Variants in SH3KBP1 observed in about 807,000 individuals in gnomAD.
SH3KBP1 encodes the protein SH3 domain-containing kinase-binding protein 1.
A neutral mutation model predicts 50.1 loss-of-function variants in SH3KBP1; 8 were observed. The observed-to-expected ratio is 0.16, with a 90% confidence interval of 0.09 to 0.29. The LOEUF (loss-of-function observed/expected upper bound fraction) is 0.29, where lower values mean the gene tolerates loss of function less well. SH3KBP1 is among the 10% of genes least tolerant of loss of function. The pLI, the probability that SH3KBP1 is intolerant of heterozygous loss-of-function variation, is 1.00. For synonymous variants in SH3KBP1, 227 were observed against 218.6 expected (o/e 1.04, Z -0.34); for missense variants, 377 against 535.2 (o/e 0.70, Z 2.92).
At chrX:19,753,227 C>T (rs1382994355) in intron 2 of SH3KBP1, among the ~76,000 whole-genome samples, 2 of 111,895 alleles carry the variant, frequency 1.8e-5, no homozygotes, top group Non-Finnish European at 3.8e-5. Context: ...AAACAGACAT[C>T]ATTCATCAGC....
At position 19,867,176 on chromosome X, in the gene SH3KBP1, G is replaced by A. The variant is rs191498234; in HGVS notation, c.4+20131C>T. On this transcript the variant is annotated intron_variant, in intron 1 of 17. Coordinates refer to ENST00000397821, the MANE Select transcript of SH3KBP1 (RefSeq NM_031892.3). ...AGAAGGCTGTGGTCTTGGCCTGGGC[G>A]CCAGGGAAACTAGTGCTCACAGAGC... Among the ~76,000 whole-genome samples, 941 of 111,524 alleles carry A rather than the reference G, an allele frequency of 8.4e-3. 13 individuals carry two copies. Among genetic ancestry groups the A allele is most frequent in the African/African-American group, 0.029 (888 of 30,658 alleles).
intron 13 of SH3KBP1, among the ~76,000 whole-genome samples, chrX:19,566,127 C>T (rs1411928913): frequency 9.1e-6 from 1 of 109,491 alleles, no homozygotes; most frequent in Admixed American, 9.7e-5. Flanking sequence ...GGTGACAGAG[C>T]AAGACTATCT....
At position 19,620,521 on chromosome X, in the gene SH3KBP1, A is replaced by G. The variant is rs753526491; in HGVS notation, c.897+11343T>C. On this transcript the variant is annotated intron_variant, in intron 8 of 17. Coordinates refer to ENST00000397821, the MANE Select transcript of SH3KBP1 (RefSeq NM_031892.3). ...TAGCTTCTAGGCCTGTGCAGCGAGT[A>G]AAAAATACAATTCCAAAGTCAAATC... 4.4e-5 allele frequency among the ~76,000 whole-genome samples: 5 copies of G among 112,452 alleles called. No individual in the cohort carries two copies. The East Asian group carries it at 1.4e-3, about 31-fold the overall frequency.
At chrX:19,663,095 A>C (rs1449186184) in intron 6 of SH3KBP1, among the ~76,000 whole-genome samples, 1 of 111,281 alleles carries the variant, frequency 9.0e-6, no homozygotes, top group African/African-American at 3.3e-5. Flanking sequence ...ATCTGAATAA[A>C]TGGTAAGTCT....
At chrX:19,712,126 A>C (rs942912110) in intron 3 of SH3KBP1, among the ~76,000 whole-genome samples, 1 of 112,401 alleles carries the variant, frequency 8.9e-6, no homozygotes, top group Non-Finnish European at 1.9e-5. Flanking sequence ...GAGCTTTCAC[A>C]AAACTACTGA....
intron 12 of SH3KBP1, among the ~76,000 whole-genome samples, chrX:19,579,756 T>TC (rs1569305575): frequency 1.8e-5 from 2 of 111,593 alleles, no homozygotes; most frequent in Admixed American, 1.9e-4. Context: ...ACAAGGTACT[T>TC]CCCCCCATGC....
chrX:19,695,557 G>A, intron 5 of SH3KBP1, 55 bp downstream of exon 5: 1 of 1,179,997 alleles, frequency 8.5e-7, no homozygotes, highest in East Asian at 3.0e-5. Flanking sequence ...GGAGGCTGGA[G>A]CACAGCCTGC....
intron 2 of SH3KBP1, among the ~76,000 whole-genome samples, chrX:19,760,833 G>A (rs1186638175): frequency 1.8e-5 from 2 of 110,665 alleles, no homozygotes; most frequent in African/African-American, 3.3e-5. Flanking sequence ...CAACAGACAT[G>A]GGCCAGGGGC....
At chrX:19,544,821 G>A (rs903746901) in intron 15 of SH3KBP1, among the ~76,000 whole-genome samples, 6 of 111,776 alleles carry the variant, frequency 5.4e-5, no homozygotes, top group African/African-American at 1.6e-4. Flanking sequence ...TGACAACTCC[G>A]GGGAAGAGAA....
intron 2 of SH3KBP1, among the ~76,000 whole-genome samples, chrX:19,793,404 A>G (rs1034697166): frequency 3.7e-5 from 4 of 109,220 alleles, no homozygotes; most frequent in Admixed American, 2.0e-4. Context: ...CCTGGGTTGA[A>G]TCCTGGATCT....
chrX:19,876,510 C>G (rs1351395471), intron 1 of SH3KBP1, among the ~76,000 whole-genome samples: 1 of 111,798 alleles, frequency 8.9e-6, no homozygotes, highest in Non-Finnish European at 1.9e-5. Context: ...ATCCCTCCAT[C>G]AAAACTAGAT....
intron 3 of SH3KBP1, among the ~76,000 whole-genome samples, chrX:19,716,614 T>G (rs767996741): frequency 9.0e-6 from 1 of 111,286 alleles, no homozygotes; most frequent in East Asian, 2.8e-4. Context: ...GCAGATAACA[T>G]CAAAAGTCAC....
intron 8 of SH3KBP1, among the ~76,000 whole-genome samples, chrX:19,618,941 G>A (rs1208900088): frequency 9.5e-6 from 1 of 105,065 alleles, no homozygotes; most frequent in Non-Finnish European, 1.9e-5. Flanking sequence ...ACTCCAGCCT[G>A]GGTGACAAGA....
At chrX:19,882,943 T>G (rs1020759563) in intron 1 of SH3KBP1, among the ~76,000 whole-genome samples, 1 of 112,046 alleles carries the variant, frequency 8.9e-6, no homozygotes, top group Admixed American at 9.4e-5. Flanking sequence ...AAGTGTGTTT[T>G]GAAGTAGGAG....
At chrX:19,622,691 G>A (rs755438416) in intron 8 of SH3KBP1, among the ~76,000 whole-genome samples, 13 of 112,256 alleles carry the variant, frequency 1.2e-4, no homozygotes, top group Non-Finnish European at 1.7e-4. Flanking sequence ...ACAGGGTGAC[G>A]ACTATGTGCA....
At chrX:19,782,476 T>C (rs1046272535) in intron 2 of SH3KBP1, among the ~76,000 whole-genome samples, 5 of 111,532 alleles carry the variant, frequency 4.5e-5, no homozygotes, top group African/African-American at 1.6e-4. Context: ...CACCAGGAGC[T>C]CCACTCAGAT....
At chrX:19,634,027 C>A (rs2061637523) in intron 7 of SH3KBP1, among the ~76,000 whole-genome samples, 1 of 74,630 alleles carries the variant, frequency 1.3e-5, no homozygotes, top group Non-Finnish European at 2.5e-5. Flanking sequence ...AGATTTTGTT[C>A]CCTGGTGTGT....
At position 19,683,941 on chromosome X, in the gene SH3KBP1, G is replaced by A; in HGVS notation, c.608C>T (p.Ala203Val). ...CTTAACTTTCTTGGGCTGGATTGCT[G>A]CAGTTGCCACTGTCCCGTTGGCACC... ...SEGANGTVATAAIQPKKVKGV... is the reference protein window; with the variant it reads ...SEGANGTVATVAIQPKKVKGV... The change falls in exon 6 of 18, where the codon GCA becomes GTA. Residue 203 changes from alanine (A) to valine (V), a missense_variant. Transcript: ENST00000397821. 8.3e-7 allele frequency: 1 copy of A among 1,210,789 alleles called. No homozygotes were observed. The highest frequency in any genetic ancestry group is 1.1e-6 in the Non-Finnish European group (1 of 894,634).
rs145524730 is a variant in SH3KBP1, at chrX:19,733,608, T to C, written c.286+12710A>G. Among the ~76,000 whole-genome samples the C allele has an allele frequency of 5.5e-3, 605 of 110,891 alleles. 2 individuals are homozygous for C. The highest frequency in any genetic ancestry group is 0.018 in the African/African-American group (558 of 30,544). ...GCCAGTATAAAAAAAGGAGATAAGC[T>C]AGGTGATAATTTATTCAGAGAAATC... On this transcript the variant is annotated intron_variant, in intron 3 of 17. Transcript: ENST00000397821.
Sources: allele counts gnomAD v4.1 joint callset (sites outside exome capture counted in the v4.1 genomes callset), GRCh38; gene constraint gnomAD v4.1.1; transcripts MANE v1.5; gene names NCBI Gene and HGNC (gene_info 2026-07-23, HGNC 2026-07-21).